C1QTNF1: variants seen among roughly 807,000 people sequenced by gnomAD.
C1QTNF1 encodes complement C1q tumor necrosis factor-related protein 1.
A neutral mutation model predicts 27.8 loss-of-function variants in C1QTNF1; 22 were observed. The observed-to-expected ratio is 0.79, with a 90% CI of 0.56 to 1.13. The LOEUF is 1.13. C1QTNF1 is among the 50% of genes most tolerant of loss of function. The probability of loss-of-function intolerance (pLI) is 0.00; values close to 1 mark genes in which losing one functional copy is unlikely to be tolerated. For synonymous variants in C1QTNF1, 166 were observed against 154.3 expected (o/e 1.08, Z -0.56); for missense variants, 373 against 380.2 (o/e 0.98, Z 0.16).
intron 2 of C1QTNF1, among the ~76,000 whole-genome samples, chr17:79,045,037 C>T (rs975247067): frequency 6.7e-6 from 1 of 149,398 alleles, no homozygotes; most frequent in Admixed American, 6.6e-5. Flanking sequence ...GGGAGATAGA[C>T]ACATGAGAGA....
intron 1 of C1QTNF1, among the ~76,000 whole-genome samples, chr17:79,026,764 C>T (rs1010615458): frequency 3.3e-5 from 5 of 152,134 alleles, no homozygotes; most frequent in African/African-American, 7.2e-5. Context: ...AGCCAGCTGG[C>T]GAGGGACGTC....
At chr17:79,038,818 T>C (rs2072327877) in intron 1 of C1QTNF1, among the ~76,000 whole-genome samples, 1 of 152,248 alleles carries the variant, frequency 6.6e-6, no homozygotes. Flanking sequence ...GGCAATACTG[T>C]CTTTGCCCAA....
intron 1 of C1QTNF1, among the ~76,000 whole-genome samples, chr17:79,040,730 C>CAAAAA (rs60302649): frequency 3.3e-4 from 19 of 56,864 alleles, no homozygotes; most frequent in African/African-American, 7.1e-4. Context: ...TTTGTCTCTA[C>CAAAAA]AAAAAAAAAA....
chr17:79,032,390 G>C (rs1287884491), intron 1 of C1QTNF1, among the ~76,000 whole-genome samples: 1 of 152,214 alleles, frequency 6.6e-6, no homozygotes, highest in African/African-American at 2.4e-5. Context: ...GGACTCACGC[G>C]GGGTGGGGAA....
intron 1 of C1QTNF1, among the ~76,000 whole-genome samples, chr17:79,032,865 C>T (rs1390613383): frequency 5.9e-5 from 9 of 151,896 alleles, no homozygotes; most frequent in Admixed American, 2.6e-4. Flanking sequence ...GTTAGGAGTT[C>T]GAGACCAGCC....
intron 1 of C1QTNF1, among the ~76,000 whole-genome samples, chr17:79,037,034 T>G (rs1441780022): frequency 6.6e-6 from 1 of 152,246 alleles, no homozygotes; most frequent in Non-Finnish European, 1.5e-5. Context: ...AGAGGTCCGC[T>G]GTCAGCACAC....
chr17:79,027,485 A>G (rs2072001259), intron 1 of C1QTNF1: 1 of 152,316 alleles, frequency 6.6e-6, no homozygotes, highest in Non-Finnish European at 1.5e-5. Context: ...CTCATGAGCC[A>G]GGGATCCTTG....
chr17:79,046,931 G>A lies in C1QTNF1; in HGVS notation c.295+237G>A. 1 of 566,692 alleles carries A rather than the reference G, an allele frequency of 1.8e-6. No individual in the cohort carries two copies. Among genetic ancestry groups the A allele is most frequent in the South Asian group, 2.5e-5 (1 of 40,584 alleles). 35.1% of individuals were successfully genotyped at this position (566,692 alleles called of 1,614,324 possible). On this transcript the variant is annotated intron_variant, in intron 3 of 3. Coordinates refer to ENST00000579760, the MANE Select transcript of C1QTNF1 (RefSeq NM_030968.5). This position sits in a 1 kb window ranked among gnomAD's most constrained non-coding sequence, Gnocchi z 4.8. ...GGGGCCCACAGGACCAAGAGCAGGAGAGGGAGCCCAGAGGCTACTCGGGGT... is the reference window on the plus strand; with the variant it reads ...GGGGCCCACAGGACCAAGAGCAGGAAAGGGAGCCCAGAGGCTACTCGGGGT...
chr17:79,043,531 T>C (rs2145923404), intron 1 of C1QTNF1: 1 of 439,956 alleles, frequency 2.3e-6, no homozygotes, highest in Non-Finnish European at 4.6e-6. Flanking sequence ...TGCATGTGTG[T>C]AGGTTTCATT....
At position 79,046,779 on chromosome 17, in the gene C1QTNF1, C is replaced by A; in HGVS notation, c.295+85C>A. ...AAGGGATGGAGTCGTTAGGGTGGGG[C>A]TAGGCGAGAGCAGAATGGCTCCCTC... is the stretch of plus-strand genomic sequence containing the variant. On this transcript the variant is annotated intron_variant, in intron 3 of 3. Transcript: ENST00000579760. This position sits in a 1 kb window ranked among gnomAD's most constrained non-coding sequence, Gnocchi z 4.8. The A allele has an allele frequency of 6.4e-7, 1 of 1,551,740 alleles. No individual in the cohort carries two copies.
At chr17:79,043,528 G>T (rs2072478071) in intron 1 of C1QTNF1, 1 of 441,548 alleles carries the variant, frequency 2.3e-6, no homozygotes, top group Admixed American at 2.4e-5. Context: ...GTATGCATGT[G>T]TGTAGGTTTC....
At chr17:79,024,640 G>C (rs545516160) in intron 1 of C1QTNF1, 146 bp downstream of exon 1, 2 of 152,624 alleles carry the variant, frequency 1.3e-5, no homozygotes, top group Non-Finnish European at 2.9e-5. Context: ...GCGGCGCAGG[G>C]GCGGAAAGAC....
At chr17:79,025,691 A>T (rs1411663644) in intron 1 of C1QTNF1, 1 of 194,248 alleles carries the variant, frequency 5.1e-6, no homozygotes, top group Non-Finnish European at 1.1e-5. Context: ...TGCTGCAGGG[A>T]GCGGGAGGAC....
At chr17:79,035,141 A>G (rs2072234424) in intron 1 of C1QTNF1, among the ~76,000 whole-genome samples, 2 of 152,186 alleles carry the variant, frequency 1.3e-5, no homozygotes, top group Non-Finnish European at 2.9e-5. Flanking sequence ...GGAAAGGGCT[A>G]TGAGCAGATG....
At chr17:79,042,738 C>T (rs2072446719) in intron 1 of C1QTNF1, among the ~76,000 whole-genome samples, 1 of 152,166 alleles carries the variant, frequency 6.6e-6, no homozygotes, top group Admixed American at 6.5e-5. Context: ...ACTCTCCTTC[C>T]CGAGAGGCTG....
At chr17:79,039,783 A>AAGTGTG (rs376346069) in intron 1 of C1QTNF1, among the ~76,000 whole-genome samples, 5 of 151,050 alleles carry the variant, frequency 3.3e-5, no homozygotes, top group African/African-American at 1.2e-4. Flanking sequence ...TTAAATAAAT[A>AAGTGTG]TGTGTGTGTG....
At chr17:79,026,456 C>T (rs923618990) in intron 1 of C1QTNF1, among the ~76,000 whole-genome samples, 2 of 152,148 alleles carry the variant, frequency 1.3e-5, no homozygotes, top group Admixed American at 6.5e-5. Context: ...GCCTGGCCTC[C>T]GGGGCGTATA....
intron 1 of C1QTNF1, chr17:79,043,587 ATG>A (rs2072480891): frequency 2.0e-5 from 9 of 442,178 alleles, no homozygotes; most frequent in South Asian, 1.5e-4. Flanking sequence ...TGTGGATTAC[ATG>A]TGTGTGGATT....
intron 1 of C1QTNF1, chr17:79,043,642 G>C (rs1568069344): frequency 2.0e-6 from 1 of 503,796 alleles, no homozygotes; most frequent in East Asian, 5.4e-5. Context: ...TTGCATGTGA[G>C]TGTATGTGAC....
Sources: allele counts gnomAD v4.1 joint callset (sites outside exome capture counted in the v4.1 genomes callset), GRCh38; gene constraint gnomAD v4.1.1; non-coding constraint Gnocchi (gnomAD v3.1); transcripts MANE v1.5; gene names NCBI Gene and HGNC (gene_info 2026-07-23, HGNC 2026-07-21).